ERCC6: variants seen among roughly 807,000 people sequenced by gnomAD.
The protein encoded by ERCC6 is ERCC excision repair 6, chromatin remodeling factor.
A neutral mutation model predicts 158.7 loss-of-function variants in ERCC6; 116 were observed. The ratio of observed to expected loss-of-function variants is 0.73; its 90% CI spans 0.63 to 0.85. ERCC6 has a LOEUF of 0.85. Ranked by LOEUF, ERCC6 falls within the 40% of genes least tolerant of loss-of-function variation. The pLI, the probability that ERCC6 is intolerant of heterozygous loss-of-function variation, is 0.00. For missense variants in ERCC6, 1,698 were observed against 1,799.4 expected (o/e 0.94, Z 1.02); for synonymous variants, 678 against 659.3 (o/e 1.03, Z -0.43).
chr10:49,442,372 C>T, the ERCC6 span, among the ~76,000 whole-genome samples: 2 of 152,166 alleles, frequency 1.3e-5, no homozygotes, highest in African/African-American at 2.4e-5. Context: ...CACCGAATTC[C>T]CTGTGAAGAA....
intron 18 of ERCC6, among the ~76,000 whole-genome samples, chr10:49,463,599 T>G (rs1455726535): frequency 6.6e-6 from 1 of 152,206 alleles, no homozygotes; most frequent in African/African-American, 2.4e-5. Flanking sequence ...AAACATATAG[T>G]TCAGCTGTGT....
Position 49,499,807 on chromosome 10 carries a change from A to T in ERCC6, c.1685+731T>A, listed in dbSNP as rs114484032. Among the ~76,000 whole-genome samples the T allele has an allele frequency of 4.7e-3, 710 of 152,324 alleles. 6 individuals are homozygous for T. Among genetic ancestry groups the T allele is most frequent in the African/African-American group, 0.016 (646 of 41,560 alleles). ...TAGATTAAATGCTTATTCTTCTGGA[A>T]TACAAAAGCCTTAATAGTTTATTTA... On this transcript the variant is annotated intron_variant, in intron 7 of 20. Transcript: ENST00000355832.
Position 49,473,447 on chromosome 10 carries a change from C to T in ERCC6, c.2709+30G>A, listed in dbSNP as rs762983338. 22 of 1,389,554 alleles carry T rather than the reference C, an allele frequency of 1.6e-5. No individual in the cohort carries two copies. The East Asian group carries it at 4.6e-4, about 29-fold the overall frequency. 86.1% of individuals were successfully genotyped at this position (1,389,554 alleles called of 1,614,324 possible). A position where few individuals can be genotyped will look rare whatever the true frequency, so the allele number is the denominator to read the frequency against. ...TTTCCCTCCACGTACAGCAGCACCA[C>T]TCAACTTCCCTGTTACATTCACATG... On this transcript the variant is annotated intron_variant, in intron 14 of 20. Coordinates refer to ENST00000355832, the MANE Select transcript of ERCC6 (RefSeq NM_000124.4).
At chr10:49,533,588 GCTCAGGAC>G (rs1590493449) in intron 1 of ERCC6, among the ~76,000 whole-genome samples, 2 of 152,144 alleles carry the variant, frequency 1.3e-5, no homozygotes, top group African/African-American at 4.8e-5. Flanking sequence ...AACACAGCGA[GCTCAGGAC>G]TTCGAGACCA....
chr10:49,502,034 C>T (rs943257218), intron 6 of ERCC6: 2 of 151,924 alleles, frequency 1.3e-5, no homozygotes, highest in Admixed American at 6.6e-5. Flanking sequence ...GATGGGCTAC[C>T]CACCTTAAAA....
rs1185503704 is a variant in ERCC6, at chr10:49,470,535, G to A, written c.3425C>T (p.Ser1142Phe). ...SSGTGKTSMP[S>F]GDESIDEKLG... ...CTTTTCATCAATGCTTTCATCACCA[G>A]ATGGCATAGAAGTTTTGCCTGTTCC... The change falls in exon 18 of 21, where the codon TCT (serine) becomes TTT (phenylalanine). Residue 1142 changes from serine (S) to phenylalanine (F), a missense_variant. By Grantham distance (155) the Ser-to-Phe change is radical (BLOSUM62 -2). Transcript: ENST00000355832. 2 of 1,614,142 alleles carry A rather than the reference G, an allele frequency of 1.2e-6. No individual in the cohort carries two copies. Among genetic ancestry groups the A allele is most frequent in the East Asian group, 4.5e-5 (2 of 44,880 alleles).
chr10:49,461,404 C>T lies in ERCC6; in HGVS notation c.3931G>A (p.Val1311Ile). 6.2e-7 allele frequency: 1 copy of T among 1,614,046 alleles called. No individual in the cohort carries two copies. The highest frequency in any genetic ancestry group is 8.5e-7 in the Non-Finnish European group (1 of 1,180,036). The change falls in exon 19 of 21, where the codon GTT (valine) becomes ATT (isoleucine). Residue 1311 changes from valine to isoleucine, a missense_variant. Transcript: ENST00000355832. Reference sequence around the variant, plus strand: ...CCCCTGTGGCCAGTCCAGGTGGGAACACCAGACACTGCTCCCAGACACCGC... The same window carrying T: ...CCCCTGTGGCCAGTCCAGGTGGGAATACCAGACACTGCTCCCAGACACCGC... ...RQRCLGAVSG[V>I]PTWTGHRGIS...
In ERCC6 at chr10:49,535,895, G is replaced by A. The variant is rs371085930; in HGVS notation, c.-14-2917C>T. ...TCCCAGCACTTTGGGAGGCCAAGGC[G>A]GGTGGATCACCTGAGTTCGTGACCA... On this transcript the variant is annotated intron_variant, in intron 1 of 20. Coordinates refer to ENST00000355832, the MANE Select transcript of ERCC6 (RefSeq NM_000124.4). Among the ~76,000 whole-genome samples the A allele has an allele frequency of 4.6e-5, 7 of 152,250 alleles. No individual in the cohort carries two copies. In the South Asian group the frequency reaches 8.3e-4, roughly 18 times the overall value.
intron 5 of ERCC6, chr10:49,516,664 C>A (rs1012903435): frequency 1.2e-6 from 2 of 1,614,086 alleles, no homozygotes; most frequent in Non-Finnish European, 8.5e-7. Flanking sequence ...ACCTCGTCAT[C>A]AAGAAAAAGT....
chr10:49,436,981 A>C, the ERCC6 span, among the ~76,000 whole-genome samples: 1 of 152,226 alleles, frequency 6.6e-6, no homozygotes, highest in African/African-American at 2.4e-5. Context: ...ACCAAATTTC[A>C]TCTTGAATTG....
In ERCC6 at chr10:49,493,145, T is replaced by C. The variant is rs376250875; in HGVS notation, c.1793A>G (p.His598Arg). 5.6e-6 allele frequency: 9 copies of C among 1,614,044 alleles called. No homozygotes were observed. In the African/African-American group the frequency reaches 1.1e-4, roughly 19 times the overall value. The change falls in exon 8 of 21, where the codon CAT becomes CGT. Residue 598 changes from histidine (H) to arginine (R), a missense_variant. By Grantham distance (29) the His-to-Arg change is conservative. Transcript: ENST00000355832. ...TTTGTGGGTATAGGAACCGGTTTCA[T>C]GTAGAATTGCCACTCTGAACGGAGG... ...WWPPFRVAIL[H>R]ETGSYTHKKE...
intron 5 of ERCC6, chr10:49,515,564 T>A: frequency 6.2e-7 from 1 of 1,614,114 alleles, no homozygotes; most frequent in South Asian, 1.1e-5. Flanking sequence ...ATACCACACG[T>A]CGACGAAACT....
At chr10:49,501,440 C>G (rs1851353448) in intron 6 of ERCC6, 1 of 152,010 alleles carries the variant, frequency 6.6e-6, no homozygotes, top group South Asian at 2.1e-4. Flanking sequence ...GAATATGGGT[C>G]AAAGAGAAAT....
At chr10:49,442,004 T>C in the ERCC6 span, among the ~76,000 whole-genome samples, 1 of 152,166 alleles carries the variant, frequency 6.6e-6, no homozygotes, top group African/African-American at 2.4e-5. Flanking sequence ...GGACCATCTT[T>C]GTTGCCCTAG....
At chr10:49,530,933 CT>C in intron 2 of ERCC6, 93 bp from the exon 3 acceptor site, 1 of 1,527,794 alleles carries the variant, frequency 6.5e-7, no homozygotes, top group Non-Finnish European at 8.8e-7. Context: ...GTCCCTTTTA[CT>C]TCTTATTAAC....
At chr10:49,523,896 G>A (rs1263698309) in intron 5 of ERCC6, 137 bp downstream of exon 5, 7 of 1,295,150 alleles carry the variant, frequency 5.4e-6, no homozygotes, top group East Asian at 2.5e-5. Context: ...AGCAGGTTAA[G>A]GCTGCAGAAA....
intron 1 of ERCC6, among the ~76,000 whole-genome samples, chr10:49,536,742 T>C (rs748393292): frequency 6.6e-6 from 1 of 151,908 alleles, no homozygotes. Context: ...GGCTGAACAA[T>C]CTCCTCCTTC....
At chr10:49,437,103 T>G in the ERCC6 span, among the ~76,000 whole-genome samples, 1 of 152,078 alleles carries the variant, frequency 6.6e-6, no homozygotes, top group African/African-American at 2.4e-5. Context: ...TCTCAGGAGA[T>G]CCGATGGTTT....
At chr10:49,482,641 C>T (rs1172835517) in intron 10 of ERCC6, 46 bp downstream of exon 10, 3 of 1,546,556 alleles carry the variant, frequency 1.9e-6, no homozygotes, top group Non-Finnish European at 2.7e-6. Flanking sequence ...AATAGGAGCA[C>T]TTTAAATATT....
Sources: gnomAD v4.1 joint callset for allele counts (sites outside exome capture counted in the v4.1 genomes callset) on GRCh38, gnomAD v4.1.1 for gene constraint, MANE v1.5 for transcripts, NCBI Gene and HGNC (gene_info 2026-07-23, HGNC 2026-07-21) for gene names.